Variants in DGKI observed in about 807,000 individuals in gnomAD.
DGKI encodes the protein diacylglycerol kinase iota.
Under a neutral mutation model 147.5 loss-of-function variants are expected in DGKI, and 55 were observed. The observed-to-expected ratio is 0.37, with a 90% CI of 0.30 to 0.47. The LOEUF is 0.47. Among genes scored for constraint, DGKI ranks in the 20% least tolerant of loss-of-function variants. The pLI is 1.00. For missense variants in DGKI, 1,007 were observed against 1,323.8 expected (o/e 0.76, Z 3.71); for synonymous variants, 469 against 477.1 (o/e 0.98, Z 0.22).
chr7:137,738,259 G>A (rs144683837), intron 1 of DGKI, among the ~76,000 whole-genome samples: 4 of 152,078 alleles, frequency 2.6e-5, no homozygotes, highest in South Asian at 2.1e-4. Context: ...AGCAGATCTC[G>A]AGGGCTGGAC....
intron 28 of DGKI, among the ~76,000 whole-genome samples, chr7:137,441,375 C>T (rs868619679): frequency 5.3e-4 from 72 of 136,322 alleles, no homozygotes; most frequent in African/African-American, 1.7e-3. Context: ...GAGCCGAGAT[C>T]GTGCCACTGC....
intron 15 of DGKI, among the ~76,000 whole-genome samples, chr7:137,579,500 A>C (rs890020414): frequency 6.6e-6 from 1 of 152,034 alleles, no homozygotes; most frequent in African/African-American, 2.4e-5. Context: ...TAGACAAATA[A>C]TTTTTTAATT....
chr7:137,532,571 T>C (rs188570721), intron 20 of DGKI, among the ~76,000 whole-genome samples: 2 of 152,292 alleles, frequency 1.3e-5, no homozygotes, highest in African/African-American at 4.8e-5. Context: ...GAAAGAGATA[T>C]AGATGGCCCC....
chr7:137,443,889 GA>G (rs1813609645), intron 28 of DGKI, among the ~76,000 whole-genome samples, 187 bp downstream of exon 28: 1 of 152,190 alleles, frequency 6.6e-6, no homozygotes, highest in East Asian at 1.9e-4. Flanking sequence ...GAACAGATTT[GA>G]AAGATATCAA....
chr7:137,691,149 A>T (rs1034568184), intron 1 of DGKI, among the ~76,000 whole-genome samples: 2 of 152,158 alleles, frequency 1.3e-5, no homozygotes, highest in Non-Finnish European at 2.9e-5. Flanking sequence ...GCATTTACAC[A>T]CACTCCTAAG....
chr7:137,829,931 T>C (rs1329818964), intron 1 of DGKI, among the ~76,000 whole-genome samples: 2 of 151,686 alleles, frequency 1.3e-5, no homozygotes, highest in Non-Finnish European at 2.9e-5. Context: ...ATAGAGATAA[T>C]AGTAAATAGA....
At chr7:137,461,880 T>A (rs1362504995) in intron 27 of DGKI, among the ~76,000 whole-genome samples, 1 of 152,190 alleles carries the variant, frequency 6.6e-6, no homozygotes, top group Non-Finnish European at 1.5e-5. Flanking sequence ...AAAGATAGTT[T>A]AACGCAAACA....
At chr7:137,558,163 T>C (rs1391004376) in intron 19 of DGKI, among the ~76,000 whole-genome samples, 3 of 152,250 alleles carry the variant, frequency 2.0e-5, no homozygotes, top group East Asian at 1.9e-4. Context: ...AGCTAATTCA[T>C]AGTTTTTGAC....
At chr7:137,827,772 C>A (rs1009854495) in intron 1 of DGKI, among the ~76,000 whole-genome samples, 21 of 152,242 alleles carry the variant, frequency 1.4e-4, no homozygotes, top group Admixed American at 1.2e-3. Flanking sequence ...TAAAGCCTTT[C>A]ATTCCTTCAA....
intron 27 of DGKI, among the ~76,000 whole-genome samples, chr7:137,456,058 A>G (rs999878293): frequency 1.3e-5 from 2 of 152,160 alleles, no homozygotes; most frequent in African/African-American, 4.8e-5. Context: ...TTTATTTTGG[A>G]GGTGAATGCC....
intron 1 of DGKI, among the ~76,000 whole-genome samples, chr7:137,801,903 T>G (rs928097581): frequency 6.6e-6 from 1 of 152,088 alleles, no homozygotes; most frequent in Non-Finnish European, 1.5e-5. Flanking sequence ...AGTGGAAAAC[T>G]TTATGCAAAA....
intron 1 of DGKI, among the ~76,000 whole-genome samples, chr7:137,764,127 T>C (rs577410832): frequency 6.6e-6 from 1 of 152,302 alleles, no homozygotes; most frequent in African/African-American, 2.4e-5. Flanking sequence ...AGTAGGTGGA[T>C]GCTCACCCTA....
chr7:137,679,926 G>C (rs1823173589), intron 2 of DGKI, among the ~76,000 whole-genome samples: 1 of 149,890 alleles, frequency 6.7e-6, no homozygotes, highest in Non-Finnish European at 1.5e-5. Flanking sequence ...GGGAGGTGGA[G>C]GCTGCAGTGA....
chr7:137,431,851 T>C (rs1481994502), intron 28 of DGKI, among the ~76,000 whole-genome samples: 1 of 152,134 alleles, frequency 6.6e-6, no homozygotes, highest in African/African-American at 2.4e-5. Flanking sequence ...CTACCACCCA[T>C]TCGAAAGTTG....
intron 1 of DGKI, among the ~76,000 whole-genome samples, chr7:137,719,365 A>C (rs1181043441): frequency 6.6e-6 from 1 of 152,026 alleles, no homozygotes; most frequent in African/African-American, 2.4e-5. Context: ...GCCTTGCCGC[A>C]TTTGGTCAAC....
chr7:137,459,085 T>C (rs1358509422), intron 27 of DGKI, among the ~76,000 whole-genome samples: 1 of 152,218 alleles, frequency 6.6e-6, no homozygotes, highest in Non-Finnish European at 1.5e-5. Context: ...TAGGTATGTG[T>C]ATATCTTTCT....
chr7:137,593,616 G>A (rs970179164), intron 12 of DGKI, among the ~76,000 whole-genome samples: 1 of 152,174 alleles, frequency 6.6e-6, no homozygotes, highest in African/African-American at 2.4e-5. Context: ...TCCAGCACTC[G>A]AATATAGCTA....
intron 6 of DGKI, among the ~76,000 whole-genome samples, chr7:137,644,341 G>C (rs1821755510): frequency 6.6e-6 from 1 of 152,226 alleles, no homozygotes; most frequent in African/African-American, 2.4e-5. Context: ...ACAAAATACT[G>C]GTTACAATGG....
intron 3 of DGKI, among the ~76,000 whole-genome samples, chr7:137,672,696 A>AGCT (rs1822885334): frequency 6.7e-6 from 1 of 149,008 alleles, no homozygotes; most frequent in African/African-American, 2.5e-5. Flanking sequence ...CTTGGCTTGC[A>AGCT]GCTGCCTCAC....
Sources: allele counts gnomAD v4.1 joint callset (sites outside exome capture counted in the v4.1 genomes callset), GRCh38; gene constraint gnomAD v4.1.1; transcripts MANE v1.5; gene names NCBI Gene and HGNC (gene_info 2026-07-23, HGNC 2026-07-21).